NAP1L1: variants seen among roughly 807,000 people sequenced by gnomAD.
NAP1L1 encodes nucleosome assembly protein 1 like 1, also known as nucleosome assembly protein 1-like 1.
A neutral mutation model predicts 58.9 loss-of-function variants in NAP1L1; 9 were observed. The ratio of observed to expected loss-of-function variants is 0.15; its 90% confidence interval spans 0.09 to 0.27. The LOEUF is 0.27. Among genes scored for constraint, NAP1L1 ranks in the 10% least tolerant of loss-of-function variants. The pLI, the probability that NAP1L1 is intolerant of heterozygous loss-of-function variation, is 1.00. For missense variants in NAP1L1, 302 were observed against 458.8 expected, an observed-to-expected ratio of 0.66 and a Z score of 3.12; for synonymous variants, 130 against 138.3, an observed-to-expected ratio of 0.94 and a Z score of 0.42.
intron 1 of NAP1L1, among the ~76,000 whole-genome samples, chr12:76,077,828 C>T (rs1054720463): frequency 6.6e-5 from 10 of 151,216 alleles, no homozygotes; most frequent in African/African-American, 2.4e-4. Flanking sequence ...TACTAAAATA[C>T]AAAAAATTAG....
intron 1 of NAP1L1, among the ~76,000 whole-genome samples, chr12:76,078,515 T>C (rs1463781429): frequency 6.6e-6 from 1 of 152,168 alleles, no homozygotes; most frequent in African/African-American, 2.4e-5. Flanking sequence ...ACTTAAAAAT[T>C]GTCAGACTAT....
intron 3 of NAP1L1, chr12:76,067,698 A>C: frequency 9.9e-6 from 4 of 403,788 alleles, no homozygotes; most frequent in East Asian, 3.6e-5. Flanking sequence ...GACAGTTCTC[A>C]AGGCCACTGC....
intron 12 of NAP1L1, among the ~76,000 whole-genome samples, chr12:76,050,306 T>C (rs1283249510): frequency 6.6e-6 from 1 of 151,974 alleles, no homozygotes; most frequent in African/African-American, 2.4e-5. Flanking sequence ...TTTCATAAAC[T>C]CAGAACAATC....
chr12:76,051,771 T>C (rs767791731), intron 11 of NAP1L1, among the ~76,000 whole-genome samples: 4 of 152,146 alleles, frequency 2.6e-5, no homozygotes, highest in Non-Finnish European at 4.4e-5. Context: ...TCCCAGGACT[T>C]TGGGAGGCCA....
chr12:76,059,497 C>G, intron 6 of NAP1L1: 1 of 292,048 alleles, frequency 3.4e-6, no homozygotes, highest in South Asian at 5.6e-5. Flanking sequence ...CAGATGAATT[C>G]GAACTTTAAG....
intron 2 of NAP1L1, chr12:76,073,691 G>A (rs1950063529): frequency 6.6e-6 from 1 of 152,384 alleles, no homozygotes. Context: ...AAGCTCTGAA[G>A]GAAAGCAAAG....
intron 1 of NAP1L1, chr12:76,083,952 C>CCGCCG: frequency 6.6e-6 from 1 of 152,360 alleles, no homozygotes; most frequent in South Asian, 2.1e-4. Flanking sequence ...TGGAGCGAAG[C>CCGCCG]CGCCGGGGGT....
At chr12:76,079,312 G>A (rs1007943921) in intron 1 of NAP1L1, among the ~76,000 whole-genome samples, 1 of 152,146 alleles carries the variant, frequency 6.6e-6, no homozygotes, top group Non-Finnish European at 1.5e-5. Context: ...GATCGCTTGA[G>A]GCCAGGAGTT....
chr12:76,080,183 G>A (rs1054772396), intron 1 of NAP1L1, among the ~76,000 whole-genome samples: 2 of 152,168 alleles, frequency 1.3e-5, no homozygotes, highest in Non-Finnish European at 2.9e-5. Flanking sequence ...TTATAATGGA[G>A]CTGAAACATT....
chr12:76,057,132 C>CA (rs796864035), intron 6 of NAP1L1: 138 of 184,006 alleles, frequency 7.5e-4, no homozygotes, highest in African/African-American at 2.2e-3. Context: ...TCTGCCTCTA[C>CA]AAAAAAAAGT....
chr12:76,063,391 G>C (rs1949506560), intron 4 of NAP1L1, among the ~76,000 whole-genome samples: 1 of 152,168 alleles, frequency 6.6e-6, no homozygotes, highest in Non-Finnish European at 1.5e-5. Flanking sequence ...CCAATGGGAA[G>C]CAGAAAAGAA....
intron 6 of NAP1L1, among the ~76,000 whole-genome samples, chr12:76,058,450 GA>G (rs1949242129): frequency 1.3e-5 from 2 of 149,568 alleles, no homozygotes; most frequent in Non-Finnish European, 3.0e-5. Flanking sequence ...GCAGTGGTGC[GA>G]TCTCGGCTCA....
intron 6 of NAP1L1, chr12:76,057,171 T>C (rs942656713): frequency 5.0e-6 from 1 of 200,516 alleles, no homozygotes; most frequent in African/African-American, 2.4e-5. Flanking sequence ...TAGCTTCAGA[T>C]AGTCCTAGCA....
At position 76,046,061 on chromosome 12, in the gene NAP1L1, A is replaced by T. The variant is rs909925014; in HGVS notation, c.*2368T>A. The T allele has an allele frequency of 5.9e-5, 9 of 152,004 alleles. No homozygotes were observed. The highest frequency in any genetic ancestry group is 2.2e-4 in the African/African-American group (9 of 41,442). 9.4% of individuals were successfully genotyped at this position (152,004 alleles called of 1,614,324 possible). A position where few individuals can be genotyped will look rare whatever the true frequency, so the allele number is the denominator to read the frequency against. On this transcript the variant is annotated 3_prime_UTR_variant, in exon 15 of 15. Coordinates refer to ENST00000618691, the MANE Select transcript of NAP1L1 (RefSeq NM_004537.7). ...GCTCTTAAAATTATATATTTACAGA[A>T]CATAGTGGCCTCAGCACAAAATAGC...
chr12:76,070,959 C>T (rs1287859614), intron 2 of NAP1L1, among the ~76,000 whole-genome samples: 3 of 152,088 alleles, frequency 2.0e-5, no homozygotes, highest in Non-Finnish European at 4.4e-5. Context: ...CACTGGAGGC[C>T]AGGAGTTCAA....
chr12:76,050,099 A>G (rs532882748), intron 12 of NAP1L1, among the ~76,000 whole-genome samples: 2 of 152,328 alleles, frequency 1.3e-5, no homozygotes, highest in South Asian at 4.1e-4. Flanking sequence ...CTACTCTAAC[A>G]ATTGCCGTTG....
rs532975582 is a variant in NAP1L1, at chr12:76,062,119, T to G, written c.207-1840A>C. ...TCTGCTCCTGCCTTGCAACAATCGT[T>G]GTCTGTCATCTTCACCCTTCACAAG... On this transcript the variant is annotated intron_variant, in intron 4 of 14. Coordinates refer to ENST00000618691, the MANE Select transcript of NAP1L1 (RefSeq NM_004537.7). Among the ~76,000 whole-genome samples the G allele has an allele frequency of 5.9e-5, 9 of 152,330 alleles. No individual in the cohort carries two copies. In the East Asian group the frequency reaches 1.7e-3, roughly 29 times the overall value.
chr12:76,081,735 C>T (rs1356125237), intron 1 of NAP1L1, among the ~76,000 whole-genome samples: 1 of 152,210 alleles, frequency 6.6e-6, no homozygotes, highest in Non-Finnish European at 1.5e-5. Flanking sequence ...CTCTAATGTT[C>T]TGTAGTCATT....
intron 2 of NAP1L1, chr12:76,073,985 T>C (rs1950078934): frequency 2.3e-6 from 1 of 428,066 alleles, no homozygotes; most frequent in Non-Finnish European, 4.2e-6. Context: ...ACAAATGGTT[T>C]AGTATATACG....
Sources: gnomAD v4.1 joint callset for allele counts (sites outside exome capture counted in the v4.1 genomes callset) on GRCh38, gnomAD v4.1.1 for gene constraint, MANE v1.5 for transcripts, NCBI Gene and HGNC (gene_info 2026-07-23, HGNC 2026-07-21) for gene names.